The following DOT1L variants were observed in gnomAD, a reference collection of about 807,000 sequenced individuals.
DOT1L encodes DOT1 like histone lysine methyltransferase.
A neutral mutation model predicts 153.3 loss-of-function variants in DOT1L; 33 were observed. The ratio of observed to expected loss-of-function variants is 0.22; its 90% CI spans 0.16 to 0.29. DOT1L has a LOEUF of 0.29. DOT1L is among the 10% of genes least tolerant of loss of function. The probability of loss-of-function intolerance (pLI) is 1.00; values close to 1 mark genes in which losing one functional copy is unlikely to be tolerated. For synonymous variants in DOT1L, 1,135 were observed against 965.1 expected (o/e 1.18, Z -3.26); for missense variants, 1,847 against 2,119.9 (o/e 0.87, Z 2.53).
Position 2,230,363 on chromosome 19 carries a change from G to T in DOT1L, c.*571G>T. Reference sequence around the variant, plus strand: ...CCCCTTCCTGAGCGCCCTGGCGCCTGCCCTGAGCTCTTCACCTTTACCCCG... The same window carrying T: ...CCCCTTCCTGAGCGCCCTGGCGCCTTCCCTGAGCTCTTCACCTTTACCCCG... On this transcript the variant is annotated 3_prime_UTR_variant, in exon 28 of 28. Coordinates refer to ENST00000398665, the MANE Select transcript of DOT1L (RefSeq NM_032482.3). The T allele has an allele frequency of 2.4e-6, 1 of 410,224 alleles. No individual in the cohort carries two copies. Among genetic ancestry groups the T allele is most frequent in the African/African-American group, 2.0e-5 (1 of 48,806 alleles). 25.4% of individuals were successfully genotyped at this position (410,224 alleles called of 1,614,324 possible). A position where few individuals can be genotyped will look rare whatever the true frequency, so the allele number is the denominator to read the frequency against.
At chr19:2,228,062 G>A in intron 27 of DOT1L, 1 of 1,314,110 alleles carries the variant, frequency 7.6e-7, no homozygotes, top group Non-Finnish European at 1.0e-6. Flanking sequence ...CCGCGCTTCT[G>A]CAGAGCCTCG....
Position 2,203,196 on chromosome 19 carries a change from G to A in DOT1L, c.787+417G>A, listed in dbSNP as rs181893101. Among the ~76,000 whole-genome samples the A allele has an allele frequency of 1.2e-3, 186 of 152,246 alleles. 1 individual carries two copies. Among genetic ancestry groups the A allele is most frequent in the Middle Eastern group, 3.4e-3 (1 of 294 alleles). ...CAGCTTACCGCAACCTCTGCCTCCC[G>A]GGTTCAAGCAATTCTGCCTCAGCCT... is the stretch of plus-strand genomic sequence containing the variant. On this transcript the variant is annotated intron_variant, in intron 9 of 27. Transcript: ENST00000398665.
chr19:2,223,212 G>C lies in DOT1L; in HGVS notation c.3391-69G>C, dbSNP rs138448008. The C allele has an allele frequency of 8.3e-4, 1,275 of 1,543,338 alleles. 11 individuals are homozygous for C. The African/African-American group carries it at 0.013, about 15-fold the overall frequency. ...GGTGCAGACAGGAGCCTCCTGGGGCGGGGGGGCTCTCCTGCCTTGGGGTCC... is the reference window on the plus strand; with the variant it reads ...GGTGCAGACAGGAGCCTCCTGGGGCCGGGGGGCTCTCCTGCCTTGGGGTCC... On this transcript the variant is annotated intron_variant, in intron 24 of 27. Coordinates refer to ENST00000398665, the MANE Select transcript of DOT1L (RefSeq NM_032482.3).
At chr19:2,225,752 T>G (rs184931601) in intron 26 of DOT1L, among the ~76,000 whole-genome samples, 1 of 152,308 alleles carries the variant, frequency 6.6e-6, no homozygotes, top group Admixed American at 6.5e-5. Context: ...TTGGGTCCCC[T>G]GTTTGCTTTG....
intron 1 of DOT1L, among the ~76,000 whole-genome samples, chr19:2,168,801 C>A (rs1489138492): frequency 2.0e-5 from 3 of 151,928 alleles, no homozygotes; most frequent in East Asian, 1.9e-4. Context: ...TTTTTAGTAG[C>A]GACAGGTTTT....
At chr19:2,176,503 G>A (rs1414869381) in intron 1 of DOT1L, among the ~76,000 whole-genome samples, 2 of 152,194 alleles carry the variant, frequency 1.3e-5, no homozygotes, top group African/African-American at 4.8e-5. Flanking sequence ...CGCTGCCAAG[G>A]AGAGCAGGCA....
At position 2,220,054 on chromosome 19, in the gene DOT1L, CT is replaced by C; in HGVS notation, c.2692-53del. ...AACACTCACTGTTTCCAGCTGGGTT[CT>C]GGGTCTCCTGGGGCACCTGCTGCCC... On this transcript the variant is annotated intron_variant, in intron 22 of 27. Transcript: ENST00000398665. The surrounding 1 kb of genome is among the most constrained non-coding windows in gnomAD (Gnocchi z 4.5). 1 of 1,519,444 alleles carries C rather than the reference CT, an allele frequency of 6.6e-7. No homozygotes were observed. 94.1% of individuals were successfully genotyped at this position (1,519,444 alleles called of 1,614,324 possible).
At chr19:2,182,817 T>C (rs898026123) in intron 2 of DOT1L, among the ~76,000 whole-genome samples, 8 of 152,170 alleles carry the variant, frequency 5.3e-5, no homozygotes, top group Non-Finnish European at 1.2e-4. Context: ...CCTCTCTGGC[T>C]GCATGCTCGC....
In DOT1L at chr19:2,220,404, C is replaced by T. The variant is rs1453056073; in HGVS notation, c.2806+182C>T. The T allele has an allele frequency of 7.1e-6, 5 of 705,568 alleles. No homozygotes were observed. The highest frequency in any genetic ancestry group is 4.1e-5 in the Admixed American group (2 of 49,360). The allele number at this position is 705,568 out of a possible 1,614,324, so 43.7% of individuals were successfully genotyped here. On this transcript the variant is annotated intron_variant, in intron 23 of 27. Transcript: ENST00000398665. This position sits in a 1 kb window ranked among gnomAD's most constrained non-coding sequence, Gnocchi z 4.5. Reference sequence around the variant, plus strand: ...GCATCCCACGAGCTGGGATGCGGATCGGGCTCAGCTGCAGCCATCTCGGCC... The same window carrying T: ...GCATCCCACGAGCTGGGATGCGGATTGGGCTCAGCTGCAGCCATCTCGGCC...
At position 2,191,449 on chromosome 19, in the gene DOT1L, AC is replaced by A; in HGVS notation, c.493+212del. 1.7e-6 allele frequency: 1 copy of A among 603,144 alleles called. No homozygotes were observed. Among genetic ancestry groups the A allele is most frequent in the Non-Finnish European group, 2.9e-6 (1 of 342,142 alleles). 37.4% of individuals were successfully genotyped at this position (603,144 alleles called of 1,614,324 possible). A position where few individuals can be genotyped will look rare whatever the true frequency, so the allele number is the denominator to read the frequency against. Reference sequence around the variant, plus strand: ...CACCCAGAGGGGAGAAATCGCAGGAACCCAGTGGCTCCCAGACCAGGCCCAT... The same window carrying A: ...CACCCAGAGGGGAGAAATCGCAGGAACCAGTGGCTCCCAGACCAGGCCCAT... On this transcript the variant is annotated intron_variant, in intron 5 of 27. Coordinates refer to ENST00000398665, the MANE Select transcript of DOT1L (RefSeq NM_032482.3). The surrounding 1 kb of genome is among the most constrained non-coding windows in gnomAD (Gnocchi z 6.8).
intron 1 of DOT1L, among the ~76,000 whole-genome samples, chr19:2,164,910 C>T (rs372849647): frequency 6.6e-6 from 1 of 152,186 alleles, no homozygotes; most frequent in Non-Finnish European, 1.5e-5. Flanking sequence ...CTTTATTTAT[C>T]CTTGGAAATT....
rs904192341 is a variant in DOT1L, at chr19:2,226,952, C to T, written c.4431C>T (p.Gly1477=). Reference sequence around the variant, plus strand: ...CGCCGGGACCGCAGTTCGCGCTCGGCCCCATGTCCCTGCAGGCCAACCTCG... The same window carrying T: ...CGCCGGGACCGCAGTTCGCGCTCGGTCCCATGTCCCTGCAGGCCAACCTCG... The part of the protein sequence containing the change: ...PFPPGPQFAL[G]PMSLQANLGS... Residue 1477 remains glycine (G), a synonymous_variant, in exon 27 of 28, where the codon GGC becomes GGT. Coordinates refer to ENST00000398665, the MANE Select transcript of DOT1L (RefSeq NM_032482.3). The T allele has an allele frequency of 6.3e-7, 1 of 1,589,524 alleles. No individual in the cohort carries two copies. The highest frequency in any genetic ancestry group is 8.5e-7 in the Non-Finnish European group (1 of 1,175,824).
chr19:2,220,835 C>A lies in DOT1L; in HGVS notation c.2806+613C>A. ...AGACCCCCAGGCTGGTTTGCTGGCC[C>A]CAGGTTGAGATGCGGTATGATGCGG... On this transcript the variant is annotated intron_variant, in intron 23 of 27. Transcript: ENST00000398665. This position sits in a 1 kb window ranked among gnomAD's most constrained non-coding sequence, Gnocchi z 4.5. The A allele has an allele frequency of 1.3e-5, 4 of 302,800 alleles. No individual in the cohort carries two copies. Among genetic ancestry groups the A allele is most frequent in the Non-Finnish European group, 2.6e-5 (4 of 152,656 alleles). 18.8% of individuals were successfully genotyped at this position (302,800 alleles called of 1,614,324 possible).
At chr19:2,206,386 G>A (rs1426371609) in intron 9 of DOT1L, among the ~76,000 whole-genome samples, 1 of 151,852 alleles carries the variant, frequency 6.6e-6, no homozygotes, top group Non-Finnish European at 1.5e-5. Context: ...GGTGAAACCC[G>A]CTCTCTACTA....
In DOT1L at chr19:2,222,505, C is replaced by A; in HGVS notation, c.3336C>A (p.Ser1112=). Residue 1112 remains serine (S), a synonymous_variant, in exon 24 of 28, where the codon TCC becomes TCA. Coordinates refer to ENST00000398665, the MANE Select transcript of DOT1L (RefSeq NM_032482.3). The surrounding 1 kb of genome is among the most constrained non-coding windows in gnomAD (Gnocchi z 6.5). ...GVSPKRRALP[S]VAGLFTQPSG... is the part of the protein sequence containing the mutation. ...CCCCCAAGCGCCGAGCCCTGCCGTC[C>A]GTCGCTGGCCTTTTCACACAGCCTT... is the stretch of plus-strand genomic sequence containing the variant. 1 of 1,577,212 alleles carries A rather than the reference C, an allele frequency of 6.3e-7. No individual in the cohort carries two copies. Among genetic ancestry groups the A allele is most frequent in the African/African-American group, 1.3e-5 (1 of 74,396 alleles).
rs143904666 is a variant in DOT1L, at chr19:2,221,033, C to T, written c.2806+811C>T. 5.9e-3 allele frequency: 953 copies of T among 162,676 alleles called. 10 individuals carry two copies. The highest frequency in any genetic ancestry group is 7.5e-3 in the Non-Finnish European group (560 of 74,190). 10.1% of individuals were successfully genotyped at this position (162,676 alleles called of 1,614,324 possible). On this transcript the variant is annotated intron_variant, in intron 23 of 27. Coordinates refer to ENST00000398665, the MANE Select transcript of DOT1L (RefSeq NM_032482.3). ...CTGTACTAAAAATACAAAAATTAGC[C>T]GGATGTGGTGGCAGACGCCTGTAAT...
At chr19:2,172,285 G>A (rs2021678333) in intron 1 of DOT1L, among the ~76,000 whole-genome samples, 1 of 152,014 alleles carries the variant, frequency 6.6e-6, no homozygotes, top group Non-Finnish European at 1.5e-5. Context: ...CGCCTTCAGG[G>A]TTCAAGTGAT....
At chr19:2,176,443 G>A (rs150753423) in intron 1 of DOT1L, among the ~76,000 whole-genome samples, 51 of 152,276 alleles carry the variant, frequency 3.3e-4, no homozygotes, top group East Asian at 7.7e-4. Context: ...CTGCTTCTGC[G>A]GGGCACTCAT....
intron 4 of DOT1L, 92 bp downstream of exon 4, chr19:2,189,887 C>T: frequency 1.4e-6 from 2 of 1,403,758 alleles, no homozygotes; most frequent in African/African-American, 2.8e-5. Flanking sequence ...GGGCACAGAG[C>T]TCCCCTTAGA....
Sources: gnomAD v4.1 joint callset for allele counts (sites outside exome capture counted in the v4.1 genomes callset) on GRCh38, gnomAD v4.1.1 for gene constraint, Gnocchi (gnomAD v3.1) non-coding constraint, MANE v1.5 for transcripts, NCBI Gene and HGNC (gene_info 2026-07-23, HGNC 2026-07-21) for gene names.